LIMS1: variants seen among roughly 807,000 people sequenced by gnomAD.
The protein encoded by LIMS1 is LIM zinc finger domain containing 1.
Under a neutral mutation model 44.1 loss-of-function variants are expected in LIMS1, and 18 were observed. That is an observed-to-expected ratio of 0.41 (90% CI 0.28 to 0.61). The LOEUF is 0.61. Among genes scored for constraint, LIMS1 ranks in the 20% least tolerant of loss-of-function variants. The pLI, the probability that LIMS1 is intolerant of heterozygous loss-of-function variation, is 0.32. For missense variants in LIMS1, 201 were observed against 422.0 expected, an observed-to-expected ratio of 0.48 and a Z score of 4.59; for synonymous variants, 93 against 149.1, an observed-to-expected ratio of 0.62 and a Z score of 2.74.
At chr2:108,610,055 A>G (rs1309165340) in intron 1 of LIMS1, among the ~76,000 whole-genome samples, 1 of 151,866 alleles carries the variant, frequency 6.6e-6, no homozygotes, top group Admixed American at 6.5e-5. Flanking sequence ...AGGCAGGAGA[A>G]TGGCGTGAAC....
intron 1 of LIMS1, among the ~76,000 whole-genome samples, chr2:108,538,584 T>TA (rs1684215768): frequency 6.6e-6 from 1 of 152,176 alleles, no homozygotes. Flanking sequence ...GCAGGCAAGG[T>TA]AAAGCAAGAT....
chr2:108,661,373 A>G (rs1382933100), intron 2 of LIMS1, among the ~76,000 whole-genome samples: 1 of 151,854 alleles, frequency 6.6e-6, no homozygotes, highest in African/African-American at 2.4e-5. Context: ...TAGGCCTCCA[A>G]ACATGCTCTA....
intron 1 of LIMS1, among the ~76,000 whole-genome samples, chr2:108,561,749 T>TTG (rs1685129843): frequency 6.6e-6 from 1 of 150,684 alleles, no homozygotes; most frequent in African/African-American, 2.4e-5. Context: ...TTTTTTTGTT[T>TTG]TTTTTTTTTT....
At chr2:108,545,374 C>G (rs1445192764) in intron 1 of LIMS1, among the ~76,000 whole-genome samples, 1 of 152,176 alleles carries the variant, frequency 6.6e-6, no homozygotes, top group Non-Finnish European at 1.5e-5. Flanking sequence ...GCTGGGATTA[C>G]AGGCATCCAC....
chr2:108,680,565 G>A (rs112547683), intron 8 of LIMS1, 130 bp from the exon 9 acceptor site: 25,525 of 311,884 alleles, frequency 0.082, 2,248 homozygotes, highest in East Asian at 0.33. Context: ...AAAAAAAAAA[G>A]GTTCTTGAGA....
At chr2:108,588,234 G>C in intron 1 of LIMS1, 1 of 591,134 alleles carries the variant, frequency 1.7e-6, no homozygotes, top group Non-Finnish European at 2.1e-6. Flanking sequence ...GGGTTATCGT[G>C]TAACACACCA....
intron 1 of LIMS1, among the ~76,000 whole-genome samples, chr2:108,615,932 A>C (rs826682): frequency 0.17 from 25,993 of 152,138 alleles, 2,647 homozygotes; most frequent in African/African-American, 0.27. Context: ...TGGAACTGTC[A>C]GCTAAATGTC....
chr2:108,679,457 G>T (rs190252781), intron 8 of LIMS1, among the ~76,000 whole-genome samples: 175 of 152,070 alleles, frequency 1.2e-3, no homozygotes, highest in African/African-American at 4.2e-3. Context: ...TCCAGCCTGG[G>T]CAACAAGAGC....
At chr2:108,652,730 A>T (rs1051401488) in intron 1 of LIMS1, among the ~76,000 whole-genome samples, 3 of 152,172 alleles carry the variant, frequency 2.0e-5, no homozygotes, top group African/African-American at 7.2e-5. Context: ...AGATGTGAGC[A>T]CTGGGGAGAC....
chr2:108,617,068 T>C (rs1357048644), intron 1 of LIMS1, among the ~76,000 whole-genome samples: 1 of 152,202 alleles, frequency 6.6e-6, no homozygotes, highest in Non-Finnish European at 1.5e-5. Flanking sequence ...CCTGGAAATG[T>C]ACAGCTGCTC....
At chr2:108,676,621 A>G in exon 7 of LIMS1, 1 of 1,562,836 alleles carries the variant, frequency 6.4e-7, no homozygotes, top group Non-Finnish European at 8.6e-7. Context: ...TGTTTGTGCC[A>G]AGTGTGAGAA....
Position 108,571,713 on chromosome 2 carries a change from C to T in LIMS1, c.32+37119C>T, listed in dbSNP as rs190715596. 3.1e-3 allele frequency among the ~76,000 whole-genome samples: 468 copies of T among 152,266 alleles called. 3 individuals are homozygous for T. Among genetic ancestry groups the T allele is most frequent in the African/African-American group, 0.011 (457 of 41,548 alleles). ...AGTGTTTTAGACAGTGAATCTTAAA[C>T]GTTTAATCTTTTCTTTCGTTGAAGA... On this transcript the variant is annotated intron_variant, in intron 1 of 9. Transcript: ENST00000544547.
At chr2:108,624,189 T>C (rs1688428552) in intron 1 of LIMS1, among the ~76,000 whole-genome samples, 2 of 152,242 alleles carry the variant, frequency 1.3e-5, no homozygotes, top group African/African-American at 4.8e-5. Flanking sequence ...GACCCTTTTT[T>C]CCCTGAAGTT....
chr2:108,536,991 C>G (rs1684165830), intron 1 of LIMS1, among the ~76,000 whole-genome samples: 1 of 152,174 alleles, frequency 6.6e-6, no homozygotes. Flanking sequence ...TTTTGAGAAA[C>G]TGACAGTTTT....
At chr2:108,603,275 T>C (rs1441897143) in intron 1 of LIMS1, among the ~76,000 whole-genome samples, 4 of 152,166 alleles carry the variant, frequency 2.6e-5, no homozygotes, top group African/African-American at 9.7e-5. Context: ...GCCTTTTCTT[T>C]ACTGGGAGAC....
rs183513106 is a variant in LIMS1 at position 108,659,840 on chromosome 2, C to T, written c.192+76C>T. ...TTCCTGCCCTTCTTTCCTGAGGCCTCCTCCTTCATGTTCAGTTTCATGATG... is the reference window on the plus strand; with the variant it reads ...TTCCTGCCCTTCTTTCCTGAGGCCTTCTCCTTCATGTTCAGTTTCATGATG... On this transcript the variant is annotated intron_variant, in intron 2 of 9. Coordinates refer to ENST00000544547, the Ensembl canonical transcript of LIMS1. 7,992 of 1,611,146 alleles carry T rather than the reference C, an allele frequency of 5.0e-3. 23 individuals are homozygous for T. The highest frequency in any genetic ancestry group is 6.2e-3 in the Non-Finnish European group (7,262 of 1,179,260).
chr2:108,546,809 C>A (rs1558781748), intron 1 of LIMS1, among the ~76,000 whole-genome samples: 1 of 151,792 alleles, frequency 6.6e-6, no homozygotes, highest in Non-Finnish European at 1.5e-5. Context: ...ATGGAGACTT[C>A]TATAAAGCAC....
intron 1 of LIMS1, among the ~76,000 whole-genome samples, chr2:108,586,198 C>CAA (rs113255390): frequency 2.8e-5 from 4 of 145,032 alleles, no homozygotes; most frequent in African/African-American, 1.0e-4. Flanking sequence ...TCTCAAAACA[C>CAA]AAAAAAAAAC....
At chr2:108,590,921 G>T (rs890336798) in intron 1 of LIMS1, among the ~76,000 whole-genome samples, 3 of 152,188 alleles carry the variant, frequency 2.0e-5, no homozygotes, top group East Asian at 3.8e-4. Context: ...CCAGTGCCCA[G>T]AGCAGTAAGT....
Sources: allele counts gnomAD v4.1 joint callset (sites outside exome capture counted in the v4.1 genomes callset), GRCh38; gene constraint gnomAD v4.1.1; transcripts MANE v1.5; gene names NCBI Gene and HGNC (gene_info 2026-07-23, HGNC 2026-07-21).